SLC45A4: variants seen among roughly 807,000 people sequenced by gnomAD.
SLC45A4 encodes the protein solute carrier family 45 member 4.
Under a neutral mutation model 63.7 loss-of-function variants are expected in SLC45A4, and 32 were observed. That is an observed-to-expected ratio of 0.50 (90% confidence interval 0.38 to 0.67). SLC45A4 has a LOEUF of 0.67. SLC45A4 is among the 30% of genes least tolerant of loss of function. The pLI is 0.00. For missense variants in SLC45A4, 1,027 were observed against 1,157.7 expected (o/e 0.89, Z 1.64); for synonymous variants, 535 against 510.0 (o/e 1.05, Z -0.66).
chr8:141,231,245 A>G (rs1315541461), intron 2 of SLC45A4, among the ~76,000 whole-genome samples: 1 of 152,208 alleles, frequency 6.6e-6, no homozygotes, highest in East Asian at 1.9e-4. Context: ...CCAGGCCGGG[A>G]AGGCCTTGGC....
chr8:141,269,098 G>A (rs752164915), intron 1 of SLC45A4, among the ~76,000 whole-genome samples: 11 of 152,204 alleles, frequency 7.2e-5, no homozygotes, highest in Non-Finnish European at 1.6e-4. Flanking sequence ...CCACTCCTGA[G>A]TCATACGCTG....
intron 2 of SLC45A4, chr8:141,228,133 G>C: frequency 6.2e-7 from 1 of 1,612,220 alleles, no homozygotes; most frequent in Non-Finnish European, 8.5e-7. Flanking sequence ...GCTTTAGATG[G>C]AGTGATCTGG....
chr8:141,304,009 C>T (rs906177795), intron 1 of SLC45A4, among the ~76,000 whole-genome samples: 3 of 152,128 alleles, frequency 2.0e-5, no homozygotes, highest in East Asian at 3.9e-4. Context: ...CAGCACTATT[C>T]CCCCCCGCGG....
At chr8:141,303,936 C>T (rs149770440) in intron 1 of SLC45A4, among the ~76,000 whole-genome samples, 184 of 152,346 alleles carry the variant, frequency 1.2e-3, no homozygotes, top group African/African-American at 4.1e-3. Context: ...ATCCCTTCAG[C>T]TGCCTCAGGA....
At chr8:141,306,615 C>T (rs1188750197) in intron 1 of SLC45A4, among the ~76,000 whole-genome samples, 2 of 152,252 alleles carry the variant, frequency 1.3e-5, no homozygotes, top group Non-Finnish European at 2.9e-5. Flanking sequence ...CACTCCCTAA[C>T]CTGTACACCA....
At chr8:141,301,762 A>AAAAAAAAAAAAAG (rs71322124) in intron 1 of SLC45A4, among the ~76,000 whole-genome samples, 2 of 126,624 alleles carry the variant, frequency 1.6e-5, no homozygotes, top group African/African-American at 2.9e-5. Context: ...AAAAAAAAAA[A>AAAAAAAAAAAAAG]TCCTGGGCAA....
At chr8:141,297,902 G>C (rs1261612805) in intron 1 of SLC45A4, among the ~76,000 whole-genome samples, 1 of 151,286 alleles carries the variant, frequency 6.6e-6, no homozygotes, top group Non-Finnish European at 1.5e-5. Flanking sequence ...CACAGCCACA[G>C]TATTAAAGAG....
chr8:141,228,253 C>T (rs1021461585), intron 2 of SLC45A4: 3 of 1,613,972 alleles, frequency 1.9e-6, no homozygotes, highest in Admixed American at 3.3e-5. Flanking sequence ...TGAGGCTGGG[C>T]TTGCTTTCCC....
Position 141,256,402 on chromosome 8 carries a change from A to AT in SLC45A4, c.-400-1774_-400-1773insA, listed in dbSNP as rs1410469707. On this transcript the variant is annotated intron_variant, in intron 1 of 8. Transcript: ENST00000517878. This position sits in a 1 kb window ranked among gnomAD's most constrained non-coding sequence, Gnocchi z 4.3. Reference sequence around the variant, plus strand: ...TTTCTCATTACTTTCCACCGAACCAAAGGTGGTCTTAATTAGCTCCTCCTC... The same window carrying AT: ...TTTCTCATTACTTTCCACCGAACCAATAGGTGGTCTTAATTAGCTCCTCCTC... 8.2e-6 allele frequency: 3 copies of AT among 366,800 alleles called. No homozygotes were observed. The highest frequency in any genetic ancestry group is 7.3e-5 in the Admixed American group (2 of 27,468). 22.7% of individuals were successfully genotyped at this position (366,800 alleles called of 1,614,324 possible). A position where few individuals can be genotyped will look rare whatever the true frequency, so the allele number is the denominator to read the frequency against.
At chr8:141,294,255 G>A (rs1279094065) in intron 1 of SLC45A4, among the ~76,000 whole-genome samples, 2 of 152,200 alleles carry the variant, frequency 1.3e-5, no homozygotes, top group African/African-American at 2.4e-5. Flanking sequence ...AACCCACAGC[G>A]ACTGGTCAGG....
In SLC45A4 at chr8:141,243,449, A is replaced by G. The variant is rs374354171; in HGVS notation, c.241+10540T>C. On this transcript the variant is annotated intron_variant, in intron 2 of 8. Coordinates refer to ENST00000517878, the MANE Select transcript of SLC45A4 (RefSeq NM_001286646.2). ...AACAAAACCACTTGCCATCAACCAT[A>G]CTAAACCTGAAATGACATTTGCCAA... Among the ~76,000 whole-genome samples the G allele has an allele frequency of 3.9e-5, 6 of 152,212 alleles. No individual in the cohort carries two copies. In the East Asian group the frequency reaches 9.6e-4, roughly 24 times the overall value.
chr8:141,218,308 G>T lies in SLC45A4; in HGVS notation c.1332C>A (p.Asn444Lys), dbSNP rs201461110. ...GCGACGGCTTGATCAGCACCACGGC[G>T]TTGGCGCGCCGGTAGCGGTAGCAGT... The part of the protein sequence containing the change: ...GSHCYRYRRA[N>K]AVVLIKPSRS... Residue 444 changes from asparagine to lysine, a missense_variant, in exon 5 of 9, where the codon AAC becomes AAA. Physicochemically the swap from Asn to Lys is moderately conservative, Grantham distance 94 (BLOSUM62 0). Coordinates refer to ENST00000517878, the MANE Select transcript of SLC45A4 (RefSeq NM_001286646.2). The T allele has an allele frequency of 2.0e-4, 315 of 1,606,534 alleles. 1 individual carries two copies. In the Admixed American group the frequency reaches 5.2e-3, roughly 26 times the overall value.
chr8:141,243,235 C>T (rs886495779), intron 2 of SLC45A4, among the ~76,000 whole-genome samples: 14 of 152,114 alleles, frequency 9.2e-5, no homozygotes, highest in African/African-American at 2.4e-4. Context: ...CCTCCAATGT[C>T]GGAGGGAGGG....
chr8:141,268,130 A>G (rs1428964360), intron 1 of SLC45A4, among the ~76,000 whole-genome samples: 1 of 152,204 alleles, frequency 6.6e-6, no homozygotes, highest in African/African-American at 2.4e-5. Context: ...TCACCGCTAA[A>G]CGGAAATGAG....
rs898148920 is a variant in SLC45A4 at position 141,268,472 on chromosome 8, G to T, written c.-400-13843C>A. On this transcript the variant is annotated intron_variant, in intron 1 of 8. Coordinates refer to ENST00000517878, the MANE Select transcript of SLC45A4 (RefSeq NM_001286646.2). ...ACTGGGGTGACAGAGACGTGCCACT[G>T]CAGGCTCATCCACCGTAATCAATGT... Among the ~76,000 whole-genome samples, 4 of 152,192 alleles carry T rather than the reference G, an allele frequency of 2.6e-5. No homozygotes were observed. In the East Asian group the frequency reaches 5.8e-4, roughly 22 times the overall value.
rs1011300520 is a variant in SLC45A4 at position 141,263,941 on chromosome 8, C to T, written c.-400-9312G>A. ...CACAGAGAAGGCCATGGTGACCCGG[C>T]CCCAGCACTGGCCACTCTGAAAGGA... On this transcript the variant is annotated intron_variant, in intron 1 of 8. Coordinates refer to ENST00000517878, the MANE Select transcript of SLC45A4 (RefSeq NM_001286646.2). 3.3e-5 allele frequency among the ~76,000 whole-genome samples: 5 copies of T among 152,228 alleles called. No homozygotes were observed. The East Asian group carries it at 7.7e-4, about 24-fold the overall frequency.
At chr8:141,216,994 G>A in intron 6 of SLC45A4, 96 bp downstream of exon 6, 10 of 1,258,774 alleles carry the variant, frequency 7.9e-6, no homozygotes, top group Non-Finnish European at 1.1e-5. Context: ...TGCGACTGAT[G>A]GCCCCAGCTT....
intron 7 of SLC45A4, 69 bp from the exon 8 acceptor site, chr8:141,212,625 T>C (rs1338978164): frequency 1.3e-6 from 2 of 1,490,416 alleles, no homozygotes; most frequent in African/African-American, 2.8e-5. Context: ...TTCACAACTG[T>C]GAGTATTAAC....
chr8:141,254,124 A>C lies in SLC45A4; in HGVS notation c.106T>G (p.Cys36Gly), dbSNP rs1226038433. The part of the protein sequence containing the change: ...QKAGGAEAEN[C>G]ETISEGSIDR... ...ATGGACCCCTCGCTGATGGTCTCGC[A>C]GTTCTCGGCCTCTGCGCCTCCGGCT... is the stretch of plus-strand genomic sequence containing the variant. The change falls in exon 2 of 9, where the codon TGC (cysteine) becomes GGC (glycine). Residue 36 changes from cysteine to glycine, a missense_variant. Transcript: ENST00000517878. The surrounding 1 kb of genome is among the most constrained non-coding windows in gnomAD (Gnocchi z 4.5). 2 of 1,536,190 alleles carry C rather than the reference A, an allele frequency of 1.3e-6. No individual in the cohort carries two copies. The highest frequency in any genetic ancestry group is 1.7e-6 in the Non-Finnish European group (2 of 1,146,920).
Sources: allele counts gnomAD v4.1 joint callset (sites outside exome capture counted in the v4.1 genomes callset), GRCh38; gene constraint gnomAD v4.1.1; non-coding constraint Gnocchi (gnomAD v3.1); transcripts MANE v1.5; gene names NCBI Gene and HGNC (gene_info 2026-07-23, HGNC 2026-07-21).